The following RALGPS2 variants were observed in gnomAD, a reference collection of about 807,000 sequenced individuals.
The protein encoded by RALGPS2 is ras-specific guanine nucleotide-releasing factor RalGPS2.
In RALGPS2, 43 loss-of-function variants were observed where a neutral mutation model predicts 86.8. That is an observed-to-expected ratio of 0.50 (90% CI 0.39 to 0.64). The LOEUF is 0.64. RALGPS2 is among the 30% of genes least tolerant of loss of function. The pLI is 0.00. For missense variants in RALGPS2, 536 were observed against 694.6 expected (o/e 0.77, Z 2.57); for synonymous variants, 243 against 231.3 (o/e 1.05, Z -0.46).
chr1:178,851,078 G>A, intron 8 of RALGPS2: 1 of 1,492,956 alleles, frequency 6.7e-7, no homozygotes, highest in Non-Finnish European at 9.0e-7. Flanking sequence ...ACATTTTTAA[G>A]AGCTGAAAAG....
rs142977125 is a variant in RALGPS2, at chr1:178,848,363, T to C, written c.607+14813T>C. Among the ~76,000 whole-genome samples the C allele has an allele frequency of 3.8e-3, 571 of 152,218 alleles. 4 individuals are homozygous for C. Among genetic ancestry groups the C allele is most frequent in the African/African-American group, 0.011 (455 of 41,552 alleles). ...AAAGAATCCTTCTATAAACCAGCTC[T>C]AAGAGAAGGTTGTAGTTCAGTCTTA... On this transcript the variant is annotated intron_variant, in intron 8 of 19. Coordinates refer to ENST00000367635, the MANE Select transcript of RALGPS2 (RefSeq NM_152663.5).
chr1:178,817,835 TAGAC>T (rs1462469810), intron 6 of RALGPS2, among the ~76,000 whole-genome samples: 10 of 152,230 alleles, frequency 6.6e-5, no homozygotes, highest in African/African-American at 1.7e-4. Context: ...TTATTTCTAA[TAGAC>T]AGCCAATGTT....
intron 19 of RALGPS2, among the ~76,000 whole-genome samples, chr1:178,912,630 C>T (rs1028756408): frequency 1.3e-5 from 2 of 152,014 alleles, no homozygotes; most frequent in Non-Finnish European, 2.9e-5. Context: ...TTGCATTGAC[C>T]TTGGAGAATG....
intron 8 of RALGPS2, among the ~76,000 whole-genome samples, chr1:178,866,443 G>C (rs752206272): frequency 1.3e-5 from 2 of 152,092 alleles, no homozygotes; most frequent in African/African-American, 2.4e-5. Flanking sequence ...TTAGTGACAG[G>C]TTTTAGAATG....
chr1:178,830,904 GAAAA>G (rs890696376), intron 7 of RALGPS2, among the ~76,000 whole-genome samples: 1 of 151,226 alleles, frequency 6.6e-6, no homozygotes, highest in East Asian at 1.9e-4. Flanking sequence ...AACGAAAAAA[GAAAA>G]AAAATAGAAA....
At chr1:178,821,564 A>C in intron 6 of RALGPS2, 48 bp from the exon 7 acceptor site, 1 of 1,422,128 alleles carries the variant, frequency 7.0e-7, no homozygotes, top group East Asian at 2.3e-5. Context: ...TCTTGTATTC[A>C]TGTTGTTCTT....
intron 1 of RALGPS2, among the ~76,000 whole-genome samples, chr1:178,776,315 G>A (rs906035238): frequency 7.9e-5 from 12 of 152,082 alleles, no homozygotes; most frequent in African/African-American, 2.2e-4. Context: ...CATTTGGATC[G>A]CTAAAAATTT....
chr1:178,798,014 C>A (rs1572342761), intron 4 of RALGPS2, among the ~76,000 whole-genome samples: 1 of 138,260 alleles, frequency 7.2e-6, no homozygotes, highest in African/African-American at 2.8e-5. Context: ...AACCACATAG[C>A]TTAGAAATAT....
intron 8 of RALGPS2, among the ~76,000 whole-genome samples, chr1:178,862,803 T>C (rs1467871574): frequency 6.6e-6 from 1 of 152,138 alleles, no homozygotes; most frequent in Non-Finnish European, 1.5e-5. Context: ...AGGAGGACAT[T>C]ATTCTTAGCC....
rs570373045 is a variant in RALGPS2, at chr1:178,886,099, C to G, written c.1171C>G (p.Leu391Val). ...TCGAGGCCAAGCTGAAAGTTCTACT[C>G]TTTCTAGTGGAATATCAATAGGTGA... Reference protein sequence around the residue: ...PSRGQAESSTLSSGISIGSSD... With the variant: ...PSRGQAESSTVSSGISIGSSD... Residue 391 changes from leucine to valine, a missense_variant, in exon 13 of 20, where the codon CTT (leucine) becomes GTT (valine). By Grantham distance (32) the Leu-to-Val change is conservative (BLOSUM62 1). Transcript: ENST00000367635. 1 of 1,612,450 alleles carries G rather than the reference C, an allele frequency of 6.2e-7. No individual in the cohort carries two copies. Among genetic ancestry groups the G allele is most frequent in the African/African-American group, 1.3e-5 (1 of 74,800 alleles).
chr1:178,733,513 A>G (rs1262936072), intron 1 of RALGPS2, among the ~76,000 whole-genome samples: 1 of 152,256 alleles, frequency 6.6e-6, no homozygotes, highest in Non-Finnish European at 1.5e-5. Flanking sequence ...CTACAATGTG[A>G]TGCCACTGCA....
chr1:178,761,760 C>T (rs890839925), intron 1 of RALGPS2, among the ~76,000 whole-genome samples: 2 of 152,032 alleles, frequency 1.3e-5, no homozygotes, highest in African/African-American at 4.8e-5. Context: ...GGGGTCTCAA[C>T]ATGTTGGCCA....
chr1:178,838,868 C>T (rs937141679), intron 8 of RALGPS2, among the ~76,000 whole-genome samples: 1 of 152,190 alleles, frequency 6.6e-6, no homozygotes, highest in Non-Finnish European at 1.5e-5. Flanking sequence ...GTGACACATG[C>T]ACAAGCTTCA....
At chr1:178,840,809 A>G (rs185944766) in intron 8 of RALGPS2, among the ~76,000 whole-genome samples, 186 of 152,308 alleles carry the variant, frequency 1.2e-3, no homozygotes, top group African/African-American at 4.2e-3. Flanking sequence ...AAAAAATGAT[A>G]AAGGGGATAT....
At chr1:178,730,706 G>A (rs531496605) in intron 1 of RALGPS2, among the ~76,000 whole-genome samples, 2 of 131,302 alleles carry the variant, frequency 1.5e-5, no homozygotes, top group Non-Finnish European at 3.3e-5. Context: ...TTTTTTTTTT[G>A]TTTTTTTTTT....
intron 8 of RALGPS2, among the ~76,000 whole-genome samples, chr1:178,845,055 G>A (rs1175890884): frequency 2.0e-5 from 3 of 148,826 alleles, no homozygotes; most frequent in Non-Finnish European, 3.0e-5. Flanking sequence ...GGTGGCACAC[G>A]CCTGTATTCC....
chr1:178,800,944 G>A (rs537092094), intron 4 of RALGPS2, among the ~76,000 whole-genome samples: 178 of 124,862 alleles, frequency 1.4e-3, no homozygotes, highest in African/African-American at 4.8e-3. Context: ...TTTTTTTTTT[G>A]AGACAGAAGT....
intron 8 of RALGPS2, among the ~76,000 whole-genome samples, chr1:178,868,888 A>G (rs762557811): frequency 2.0e-5 from 3 of 152,062 alleles, no homozygotes; most frequent in Admixed American, 6.6e-5. Context: ...AAGGAGCCAC[A>G]TTTCTTAAGT....
At chr1:178,885,933 A>G (rs1186752380) in intron 12 of RALGPS2, 36 bp from the exon 13 acceptor site, 4 of 1,505,740 alleles carry the variant, frequency 2.7e-6, no homozygotes, top group Admixed American at 2.2e-5. Context: ...ATTAGTAACA[A>G]TAATAAAAGA....
Sources: gnomAD v4.1 joint callset for allele counts (sites outside exome capture counted in the v4.1 genomes callset) on GRCh38, gnomAD v4.1.1 for gene constraint, MANE v1.5 for transcripts, NCBI Gene and HGNC (gene_info 2026-07-23, HGNC 2026-07-21) for gene names.